Variants in ATRN observed in about 807,000 individuals in gnomAD.
ATRN encodes attractin-2.
A neutral mutation model predicts 178.7 loss-of-function variants in ATRN; 54 were observed. The observed-to-expected ratio is 0.30, with a 90% CI of 0.24 to 0.38. ATRN has a LOEUF of 0.38. ATRN is among the 10% of genes least tolerant of loss of function. The probability of loss-of-function intolerance (pLI) is 1.00; values close to 1 mark genes in which losing one functional copy is unlikely to be tolerated. For missense variants in ATRN, 1,443 were observed against 1,815.1 expected (o/e 0.79, Z 3.73); for synonymous variants, 636 against 663.0 (o/e 0.96, Z 0.63).
intron 1 of ATRN, among the ~76,000 whole-genome samples, chr20:3,476,449 TAAAG>T (rs1323337167): frequency 1.3e-5 from 2 of 152,216 alleles, no homozygotes; most frequent in Non-Finnish European, 2.9e-5. Flanking sequence ...TTTTGAGAAA[TAAAG>T]GAAGGAAAAT....
intron 24 of ATRN, 147 bp downstream of exon 24, chr20:3,604,409 A>C: frequency 1.1e-6 from 1 of 910,892 alleles, no homozygotes; most frequent in South Asian, 1.9e-5. Context: ...TGCTGAGCAC[A>C]TGCATGCTGC....
intron 24 of ATRN, among the ~76,000 whole-genome samples, chr20:3,616,867 A>G (rs1425744651): frequency 1.3e-5 from 2 of 152,116 alleles, no homozygotes; most frequent in Non-Finnish European, 2.9e-5. Flanking sequence ...CACACATCCC[A>G]TAGCAACTTC....
chr20:3,543,926 C>G (rs2085661427), intron 3 of ATRN, among the ~76,000 whole-genome samples: 1 of 151,838 alleles, frequency 6.6e-6, no homozygotes, highest in African/African-American at 2.4e-5. Flanking sequence ...CCCAGTCACT[C>G]AGGAGGCTGA....
At position 3,572,648 on chromosome 20, in the gene ATRN, C is replaced by G. The variant is rs966616714; in HGVS notation, c.1872-83C>G. On this transcript the variant is annotated intron_variant, in intron 11 of 28. Coordinates refer to ENST00000262919, the MANE Select transcript of ATRN (RefSeq NM_139321.3). ...CCTGGGCAACAGAGTAAGACCCTGT[C>G]TCTTAAAAAAAAAAAAAAAAGTATA... 44 of 1,105,988 alleles carry G rather than the reference C, an allele frequency of 4.0e-5. No homozygotes were observed. In the African/African-American group the frequency reaches 1.2e-3, roughly 31 times the overall value. 68.5% of individuals were successfully genotyped at this position (1,105,988 alleles called of 1,614,324 possible).
rs6037638 is a variant in ATRN at position 3,624,860 on chromosome 20, T to C, written c.3863+288T>C. ...ATCCTATAGATAATTTGGCTCTTCA[T>C]ATGGGGAGAATTTGGGACTAAAACA... On this transcript the variant is annotated intron_variant, in intron 25 of 28. Transcript: ENST00000262919. 8.6e-5 allele frequency among the ~76,000 whole-genome samples: 13 copies of C among 152,028 alleles called. 1 individual carries two copies. The highest frequency in any genetic ancestry group is 3.1e-4 in the African/African-American group (13 of 41,290).
intron 1 of ATRN, among the ~76,000 whole-genome samples, chr20:3,502,421 C>A (rs924506996): frequency 1.3e-5 from 2 of 152,164 alleles, no homozygotes; most frequent in Non-Finnish European, 2.9e-5. Context: ...ATTGGAAGAA[C>A]AACATAGTCG....
chr20:3,486,400 CTTTTTA>C (rs1027925249), intron 1 of ATRN, among the ~76,000 whole-genome samples: 21 of 151,380 alleles, frequency 1.4e-4, no homozygotes, highest in African/African-American at 4.1e-4. Context: ...TCTTTTTTTC[CTTTTTA>C]TTTTTATTTT....
At chr20:3,612,960 C>G (rs1432251890) in intron 24 of ATRN, among the ~76,000 whole-genome samples, 1 of 152,164 alleles carries the variant, frequency 6.6e-6, no homozygotes, top group Non-Finnish European at 1.5e-5. Flanking sequence ...TCCCAGTTCC[C>G]TATTGCTCCA....
intron 25 of ATRN, chr20:3,629,239 A>T (rs2086971052): frequency 1.0e-6 from 1 of 985,352 alleles, no homozygotes; most frequent in Non-Finnish European, 1.2e-6. Flanking sequence ...TTTAAAGATC[A>T]TGTATCTAGC....
intron 16 of ATRN, among the ~76,000 whole-genome samples, chr20:3,582,918 A>C (rs2086300705): frequency 6.6e-6 from 1 of 152,124 alleles, no homozygotes; most frequent in Admixed American, 6.5e-5. Context: ...TCTGGGCTAC[A>C]TTTTGGCTAA....
At chr20:3,523,800 T>C (rs1003163885) in intron 1 of ATRN, among the ~76,000 whole-genome samples, 1 of 152,190 alleles carries the variant, frequency 6.6e-6, no homozygotes, top group African/African-American at 2.4e-5. Context: ...ACCCAGAATT[T>C]CATATCCAGC....
At chr20:3,509,332 A>G (rs1406352336) in intron 1 of ATRN, among the ~76,000 whole-genome samples, 1 of 152,214 alleles carries the variant, frequency 6.6e-6, no homozygotes, top group African/African-American at 2.4e-5. Context: ...GTTTATGTCT[A>G]TATCTGACAA....
At chr20:3,579,153 A>G (rs2086249077) in intron 15 of ATRN, among the ~76,000 whole-genome samples, 1 of 152,152 alleles carries the variant, frequency 6.6e-6, no homozygotes, top group African/African-American at 2.4e-5. Context: ...GAGTTAAGGT[A>G]TTATAATAGT....
Position 3,634,362 on chromosome 20 carries a change from A to C in ATRN, c.3915A>C (p.Gln1305His). The C allele has an allele frequency of 6.2e-7, 1 of 1,612,928 alleles. No individual in the cohort carries two copies. Among genetic ancestry groups the C allele is most frequent in the South Asian group, 1.1e-5 (1 of 90,952 alleles). The part of the protein sequence containing the change: ...LVAAVVWKIK[Q>H]SCWASRRREQ... ...CTGCTGTGGTTTGGAAGATCAAACA[A>C]AGTTGTTGGGCCTCCAGACGTAGAG... The change falls in exon 26 of 29, where the codon CAA becomes CAC. Residue 1305 changes from glutamine to histidine, a missense_variant. Physicochemically the swap from Gln to His is conservative, Grantham distance 24 (BLOSUM62 0). Around this residue, in one of 4 missense-constraint regions of ATRN, gnomAD observed 289 missense variants for 440.8 expected, o/e 0.66. Transcript: ENST00000262919.
Position 3,565,487 on chromosome 20 carries a change from G to A in ATRN, c.1871+55G>A, listed in dbSNP as rs2086019993. 4 of 1,491,144 alleles carry A rather than the reference G, an allele frequency of 2.7e-6. No individual in the cohort carries two copies. The South Asian group carries it at 4.6e-5, about 17-fold the overall frequency. The allele number at this position is 1,491,144 out of a possible 1,614,324, so 92.4% of individuals were successfully genotyped here. On this transcript the variant is annotated intron_variant, in intron 11 of 28. Transcript: ENST00000262919. ...TTTGTGTTTAAAATGAAAATAAAGGGCCGGGCACGGTGGCTCACGCCTGTA... is the reference window on the plus strand; with the variant it reads ...TTTGTGTTTAAAATGAAAATAAAGGACCGGGCACGGTGGCTCACGCCTGTA...
In ATRN at chr20:3,607,325, T is replaced by G. The variant is rs549806873; in HGVS notation, c.3801+3063T>G. On this transcript the variant is annotated intron_variant, in intron 24 of 28. Transcript: ENST00000262919. ...TATAGTCATAATGACTATTGTGCCATTGAACACTAGAACTTATTCCTTGTA... is the reference window on the plus strand; with the variant it reads ...TATAGTCATAATGACTATTGTGCCAGTGAACACTAGAACTTATTCCTTGTA... 5.3e-5 allele frequency among the ~76,000 whole-genome samples: 8 copies of G among 152,316 alleles called. No homozygotes were observed. In the South Asian group the frequency reaches 1.7e-3, roughly 32 times the overall value.
rs185855121 is a variant in ATRN at position 3,562,332 on chromosome 20, G to A, written c.1504G>A (p.Gly502Ser). The change falls in exon 9 of 29, where the codon GGC (glycine) becomes AGC (serine). Residue 502 changes from glycine (G) to serine (S), a missense_variant. Around this residue, in one of 4 missense-constraint regions of ATRN, gnomAD observed 862 missense variants for 972.1 expected, o/e 0.89. Transcript: ENST00000262919. ...TQGALVQGGY[G>S]HSSVYDHRTR... ...GGGTGCCCTTGTGCAAGGGGGTTACGGCCATAGCAGTGTTTACGACCATAG... is the reference window on the plus strand; with the variant it reads ...GGGTGCCCTTGTGCAAGGGGGTTACAGCCATAGCAGTGTTTACGACCATAG... The A allele has an allele frequency of 4.0e-5, 64 of 1,614,036 alleles. No individual in the cohort carries two copies. The Admixed American group carries it at 4.2e-4, about 11-fold the overall frequency.
intron 1 of ATRN, among the ~76,000 whole-genome samples, chr20:3,509,381 C>A (rs548801448): frequency 1.3e-5 from 2 of 151,978 alleles, no homozygotes; most frequent in Non-Finnish European, 2.9e-5. Context: ...AAAATAGTAA[C>A]GTTTCATAAT....
intron 27 of ATRN, among the ~76,000 whole-genome samples, chr20:3,640,249 A>G (rs746083747): frequency 6.6e-6 from 1 of 152,216 alleles, no homozygotes; most frequent in Admixed American, 6.5e-5. Context: ...TTACATGTTA[A>G]ATAGCATATC....
Sources: gnomAD v4.1 joint callset for allele counts (sites outside exome capture counted in the v4.1 genomes callset) on GRCh38, gnomAD v4.1.1 for gene constraint, gnomAD v4.1.1 regional missense constraint, MANE v1.5 for transcripts, NCBI Gene and HGNC (gene_info 2026-07-23, HGNC 2026-07-21) for gene names.